Variants in RAB38 observed in about 807,000 individuals in gnomAD.
RAB38 encodes RAB38, member RAS oncogene family.
In RAB38, 15 loss-of-function variants were observed where a neutral mutation model predicts 18.4. The ratio of observed to expected loss-of-function variants is 0.82; its 90% confidence interval spans 0.55 to 1.26. RAB38 has a LOEUF of 1.26. Among genes scored for constraint, RAB38 ranks in the 50% most tolerant of loss-of-function variants. The pLI is 0.00. For synonymous variants in RAB38, 101 were observed against 104.4 expected, an observed-to-expected ratio of 0.97 and a Z score of 0.20; for missense variants, 294 against 267.4, an observed-to-expected ratio of 1.10 and a Z score of -0.69.
At chr11:87,911,243 G>A in the RAB38 span, among the ~76,000 whole-genome samples, 1 of 151,952 alleles carries the variant, frequency 6.6e-6, no homozygotes, top group Non-Finnish European at 1.5e-5. Flanking sequence ...TCTTCACAAA[G>A]TTGTTTTGAC....
At chr11:87,865,805 G>A in the RAB38 span, among the ~76,000 whole-genome samples, 1 of 151,662 alleles carries the variant, frequency 6.6e-6, no homozygotes, top group African/African-American at 2.4e-5. Flanking sequence ...ACAGAAAGAG[G>A]AAGGGGATTT....
the RAB38 span, among the ~76,000 whole-genome samples, chr11:87,966,020 G>T: frequency 1.3e-5 from 2 of 152,128 alleles, no homozygotes; most frequent in Non-Finnish European, 2.9e-5. Context: ...CTCTTGAAAT[G>T]GATAGACATC....
At chr11:87,915,198 A>C in the RAB38 span, among the ~76,000 whole-genome samples, 1 of 152,142 alleles carries the variant, frequency 6.6e-6, no homozygotes, top group African/African-American at 2.4e-5. Flanking sequence ...GTGCCTAGCA[A>C]AGCTGTCAGA....
chr11:88,015,723 A>G, the RAB38 span, among the ~76,000 whole-genome samples: 1 of 152,124 alleles, frequency 6.6e-6, no homozygotes, highest in Non-Finnish European at 1.5e-5. Flanking sequence ...AAAGCTCCCT[A>G]TCAGCTGTTG....
the RAB38 span, among the ~76,000 whole-genome samples, chr11:87,954,445 T>A: frequency 6.6e-6 from 1 of 152,196 alleles, no homozygotes; most frequent in South Asian, 2.1e-4. Context: ...AGGGAATTTG[T>A]GTGCTGTGTT....
chr11:87,950,168 T>C, the RAB38 span, among the ~76,000 whole-genome samples: 1 of 152,114 alleles, frequency 6.6e-6, no homozygotes, highest in African/African-American at 2.4e-5. Flanking sequence ...TTTTGGTCTT[T>C]GTTGGTTTAA....
intron 1 of RAB38, among the ~76,000 whole-genome samples, chr11:88,158,116 G>A (rs535459316): frequency 7.2e-5 from 11 of 152,088 alleles, no homozygotes; most frequent in Non-Finnish European, 1.3e-4. Context: ...TGATCCCACA[G>A]AAATACAAAA....
the RAB38 span, among the ~76,000 whole-genome samples, chr11:88,013,885 C>G: frequency 6.6e-6 from 1 of 152,110 alleles, no homozygotes; most frequent in African/African-American, 2.4e-5. Context: ...AAGAGCACAT[C>G]GCAGTACCCT....
chr11:88,020,127 C>T, the RAB38 span, among the ~76,000 whole-genome samples: 29 of 152,184 alleles, frequency 1.9e-4, no homozygotes, highest in African/African-American at 6.7e-4. Flanking sequence ...GTAACTTTGG[C>T]CATTTGTATC....
chr11:88,020,430 C>T, the RAB38 span, among the ~76,000 whole-genome samples: 3 of 152,286 alleles, frequency 2.0e-5, no homozygotes, highest in South Asian at 6.2e-4. Context: ...ACGCTCCCAA[C>T]ACTGGAGCAC....
At chr11:88,013,996 G>A in the RAB38 span, among the ~76,000 whole-genome samples, 18,569 of 152,148 alleles carry the variant, frequency 0.12, 1,292 homozygotes, top group Non-Finnish European at 0.17. Context: ...AGTGGTGACC[G>A]TAGCAGTAGC....
At chr11:88,087,976 G>C in the RAB38 span, among the ~76,000 whole-genome samples, 9 of 152,006 alleles carry the variant, frequency 5.9e-5, no homozygotes, top group Non-Finnish European at 1.3e-4. Context: ...AGCTGAAAAA[G>C]GGTGGTGGTC....
At chr11:87,937,088 T>C in the RAB38 span, among the ~76,000 whole-genome samples, 1 of 151,856 alleles carries the variant, frequency 6.6e-6, no homozygotes, top group Non-Finnish European at 1.5e-5. Flanking sequence ...AATCATGAAG[T>C]ATAATTATAG....
the RAB38 span, among the ~76,000 whole-genome samples, chr11:87,804,611 C>G: frequency 1.3e-5 from 2 of 151,930 alleles, no homozygotes; most frequent in Non-Finnish European, 2.9e-5. Context: ...CCTCACCAGA[C>G]AGTTAGCTTC....
At chr11:87,831,788 A>AGAC in the RAB38 span, among the ~76,000 whole-genome samples, 2 of 152,224 alleles carry the variant, frequency 1.3e-5, no homozygotes, top group African/African-American at 4.8e-5. Context: ...ATGCTTTCAA[A>AGAC]GACATAATCT....
the RAB38 span, among the ~76,000 whole-genome samples, chr11:87,804,943 C>A: frequency 1.3e-5 from 2 of 152,056 alleles, no homozygotes; most frequent in African/African-American, 2.4e-5. Context: ...AATTTGAATT[C>A]AAAAAAAGTC....
chr11:87,956,419 C>A, the RAB38 span, among the ~76,000 whole-genome samples: 2 of 152,110 alleles, frequency 1.3e-5, no homozygotes, highest in Admixed American at 1.3e-4. Context: ...TTCTTGGGTC[C>A]TCGCCTCTTC....
chr11:87,811,999 T>C, the RAB38 span, among the ~76,000 whole-genome samples: 3 of 152,354 alleles, frequency 2.0e-5, no homozygotes, highest in South Asian at 6.2e-4. Context: ...TGTATCCTTG[T>C]GGAAATTCAG....
At chr11:87,943,287 T>A in the RAB38 span, among the ~76,000 whole-genome samples, 2 of 152,116 alleles carry the variant, frequency 1.3e-5, no homozygotes, top group Non-Finnish European at 2.9e-5. Context: ...ATAGATAATT[T>A]AAATTATTTT....
Sources: allele counts gnomAD v4.1 joint callset (sites outside exome capture counted in the v4.1 genomes callset), GRCh38; gene constraint gnomAD v4.1.1; transcripts MANE v1.5; gene names NCBI Gene and HGNC (gene_info 2026-07-23, HGNC 2026-07-21).